The following VRK2 variants were observed in gnomAD, a reference collection of about 807,000 sequenced individuals.
VRK2 encodes VRK serine/threonine kinase 2, also known as serine/threonine-protein kinase VRK2.
Under a neutral mutation model 57.6 loss-of-function variants are expected in VRK2, and 60 were observed. The ratio of observed to expected loss-of-function variants is 1.04; its 90% confidence interval spans 0.85 to 1.29. VRK2 has a LOEUF of 1.29. Ranked by LOEUF, VRK2 falls within the 50% of genes most tolerant of loss-of-function variation. The probability of loss-of-function intolerance (pLI) is 0.00; values close to 1 mark genes in which losing one functional copy is unlikely to be tolerated. For synonymous variants in VRK2, 231 were observed against 199.2 expected (o/e 1.16, Z -1.35); for missense variants, 705 against 588.1 (o/e 1.20, Z -2.06).
intron 2 of VRK2, among the ~76,000 whole-genome samples, chr2:58,076,054 T>C (rs1572966529): frequency 6.6e-6 from 1 of 152,004 alleles, no homozygotes; most frequent in East Asian, 1.9e-4. Context: ...CTTAATATGT[T>C]GAGTGGAAAC....
chr2:57,939,199 C>G (rs972054538), intron 1 of VRK2, among the ~76,000 whole-genome samples: 1 of 152,192 alleles, frequency 6.6e-6, no homozygotes, highest in Non-Finnish European at 1.5e-5. Context: ...AACTTTACAC[C>G]ACTTTATTTA....
chr2:58,138,092 G>C (rs746564047), intron 10 of VRK2, among the ~76,000 whole-genome samples: 2 of 152,244 alleles, frequency 1.3e-5, no homozygotes, highest in East Asian at 1.9e-4. Flanking sequence ...ACAGTGATTT[G>C]TTCCCAGCAC....
intron 1 of VRK2, among the ~76,000 whole-genome samples, chr2:58,023,438 T>C (rs1673825160): frequency 6.6e-6 from 1 of 152,210 alleles, no homozygotes; most frequent in Non-Finnish European, 1.5e-5. Flanking sequence ...GACCCTTTGG[T>C]TGCTTCTTGG....
chr2:57,918,845 C>T (rs887409747), intron 1 of VRK2, among the ~76,000 whole-genome samples: 1 of 152,082 alleles, frequency 6.6e-6, no homozygotes, highest in Non-Finnish European at 1.5e-5. Flanking sequence ...CCAGTCTAAT[C>T]CTGATCCTTC....
At chr2:58,079,467 A>T (rs997623983) in intron 2 of VRK2, among the ~76,000 whole-genome samples, 3 of 151,832 alleles carry the variant, frequency 2.0e-5, no homozygotes, top group African/African-American at 2.4e-5. Context: ...CCAAATGATG[A>T]TTTTCTATTT....
intron 7 of VRK2, among the ~76,000 whole-genome samples, chr2:58,104,574 C>A (rs1303679592): frequency 6.6e-6 from 1 of 151,768 alleles, no homozygotes; most frequent in African/African-American, 2.4e-5. Flanking sequence ...ATGACACAAA[C>A]AAATGGAAAA....
intron 1 of VRK2, among the ~76,000 whole-genome samples, chr2:57,917,790 T>C (rs1670205323): frequency 6.6e-6 from 1 of 152,078 alleles, no homozygotes; most frequent in Non-Finnish European, 1.5e-5. Flanking sequence ...ATGTGCAACC[T>C]GTGTTTTACA....
chr2:58,047,322 TG>T, intron 1 of VRK2: 1 of 685,970 alleles, frequency 1.5e-6, no homozygotes. Context: ...TGTTAACCCC[TG>T]GGTACCAGTT....
At chr2:58,066,790 T>C (rs760525719) in intron 2 of VRK2, among the ~76,000 whole-genome samples, 1 of 152,214 alleles carries the variant, frequency 6.6e-6, no homozygotes, top group Non-Finnish European at 1.5e-5. Flanking sequence ...TTATTTGTTT[T>C]AGGTAACTTA....
At chr2:57,923,557 T>G (rs1019810515) in intron 1 of VRK2, among the ~76,000 whole-genome samples, 1 of 151,974 alleles carries the variant, frequency 6.6e-6, no homozygotes, top group Admixed American at 6.6e-5. Flanking sequence ...TCAGATCTTT[T>G]GTCTGTTTTT....
chr2:58,085,965 A>C (rs1315452968), intron 4 of VRK2, among the ~76,000 whole-genome samples: 1 of 146,080 alleles, frequency 6.8e-6, no homozygotes, highest in Non-Finnish European at 1.5e-5. Context: ...ATGGTTTTAA[A>C]TCTTGAAGTA....
chr2:58,046,739 T>C, upstream of VRK2: 1 of 985,510 alleles, frequency 1.0e-6, no homozygotes, highest in Non-Finnish European at 1.2e-6. Context: ...GTTAGGCAGG[T>C]CCTAGGGAGG....
intron 1 of VRK2, among the ~76,000 whole-genome samples, chr2:58,019,257 C>T (rs935654653): frequency 6.6e-6 from 1 of 152,140 alleles, no homozygotes; most frequent in Non-Finnish European, 1.5e-5. Flanking sequence ...ACTAAGAATA[C>T]AAGTAACTAT....
intron 1 of VRK2, among the ~76,000 whole-genome samples, chr2:57,965,479 C>T (rs1430490557): frequency 6.6e-6 from 1 of 152,174 alleles, no homozygotes; most frequent in Non-Finnish European, 1.5e-5. Context: ...TAAGACAAGG[C>T]TGCTTCATCA....
chr2:57,980,511 C>G (rs983993961), intron 1 of VRK2, among the ~76,000 whole-genome samples: 15 of 152,034 alleles, frequency 9.9e-5, no homozygotes, highest in African/African-American at 3.6e-4. Flanking sequence ...TATATAAATT[C>G]TCTTGTTGGG....
chr2:58,020,657 A>C (rs1436098188), intron 1 of VRK2, among the ~76,000 whole-genome samples: 2 of 152,290 alleles, frequency 1.3e-5, no homozygotes, highest in Admixed American at 1.3e-4. Flanking sequence ...AGACAGGCTC[A>C]TAAGAAATTG....
At chr2:58,063,941 C>T (rs778610494) in intron 2 of VRK2, among the ~76,000 whole-genome samples, 43 of 151,972 alleles carry the variant, frequency 2.8e-4, no homozygotes, top group Admixed American at 2.3e-3. Flanking sequence ...GGTGACTTTG[C>T]GGGGTTCAAG....
chr2:58,006,787 G>A (rs1342718000), intron 1 of VRK2, among the ~76,000 whole-genome samples: 1 of 152,140 alleles, frequency 6.6e-6, no homozygotes, highest in Admixed American at 6.5e-5. Flanking sequence ...GTTCCTAAAA[G>A]TGAAACAGAA....
intron 10 of VRK2, among the ~76,000 whole-genome samples, chr2:58,137,235 T>TATATCATATATATCATATATGATAC (rs1680643914): frequency 2.0e-5 from 1 of 50,720 alleles, no homozygotes; most frequent in African/African-American, 5.8e-5. Flanking sequence ...ATATGATACA[T>TATATCATATATATCATATATGATAC]ATATATCATA....
Sources: gnomAD v4.1 joint callset for allele counts (sites outside exome capture counted in the v4.1 genomes callset) on GRCh38, gnomAD v4.1.1 for gene constraint, MANE v1.5 for transcripts, NCBI Gene and HGNC (gene_info 2026-07-23, HGNC 2026-07-21) for gene names.